The following STARD13 variants were observed in gnomAD, a reference collection of about 807,000 sequenced individuals.
The protein encoded by STARD13 is stAR-related lipid transfer protein 13.
In STARD13, 62 loss-of-function variants were observed where a neutral mutation model predicts 106.4. The ratio of observed to expected loss-of-function variants is 0.58; its 90% confidence interval spans 0.48 to 0.72. The LOEUF (loss-of-function observed/expected upper bound fraction) is 0.72. Among genes scored for constraint, STARD13 ranks in the 30% least tolerant of loss-of-function variants. The probability of loss-of-function intolerance (pLI) is 0.00; values close to 1 mark genes in which losing one functional copy is unlikely to be tolerated. For synonymous variants in STARD13, 565 were observed against 553.0 expected (o/e 1.02, Z -0.31); for missense variants, 1,387 against 1,424.0 (o/e 0.97, Z 0.42).
chr13:33,407,702 A>G, the STARD13 span, among the ~76,000 whole-genome samples: 1 of 152,324 alleles, frequency 6.6e-6, no homozygotes, highest in Middle Eastern at 3.4e-3. Context: ...TTCTCCATTC[A>G]TGCTCAAATC....
At chr13:33,472,001 G>C in the STARD13 span, among the ~76,000 whole-genome samples, 9 of 152,038 alleles carry the variant, frequency 5.9e-5, no homozygotes, top group African/African-American at 1.9e-4. Context: ...AGCCTGGTGA[G>C]TGAAATTATG....
At chr13:33,477,842 C>T in the STARD13 span, among the ~76,000 whole-genome samples, 548 of 152,312 alleles carry the variant, frequency 3.6e-3, 3 homozygotes, top group African/African-American at 0.013. Context: ...AATTGACCCT[C>T]CAAGTCTTAA....
chr13:33,501,887 C>A, the STARD13 span, among the ~76,000 whole-genome samples: 1 of 151,948 alleles, frequency 6.6e-6, no homozygotes. Flanking sequence ...TCCGTATGAT[C>A]TTTAAAGTAG....
chr13:33,440,689 T>C, the STARD13 span, among the ~76,000 whole-genome samples: 2 of 151,532 alleles, frequency 1.3e-5, no homozygotes, highest in African/African-American at 2.4e-5. Context: ...TCTCATGTAC[T>C]TTCCATCCAT....
chr13:33,468,892 C>G, the STARD13 span, among the ~76,000 whole-genome samples: 1 of 152,132 alleles, frequency 6.6e-6, no homozygotes, highest in African/African-American at 2.4e-5. Context: ...CCTTCTCCTT[C>G]ATGTTCCACT....
chr13:33,363,209 A>G, the STARD13 span, among the ~76,000 whole-genome samples: 1 of 152,168 alleles, frequency 6.6e-6, no homozygotes, highest in African/African-American at 2.4e-5. Context: ...TTACTTAATC[A>G]GTCCTTTTTC....
chr13:33,418,394 C>G, the STARD13 span, among the ~76,000 whole-genome samples: 1 of 152,224 alleles, frequency 6.6e-6, no homozygotes, highest in Non-Finnish European at 1.5e-5. Flanking sequence ...GGAGGGGTGT[C>G]TGCCATTGCT....
intron 1 of STARD13, among the ~76,000 whole-genome samples, chr13:33,254,872 T>C (rs1383362153): frequency 2.0e-5 from 3 of 152,128 alleles, no homozygotes; most frequent in Non-Finnish European, 2.9e-5. Context: ...CATCACTCAG[T>C]AAAACTCCCA....
At chr13:33,282,414 T>G (rs935795962) in intron 1 of STARD13, among the ~76,000 whole-genome samples, 5 of 152,190 alleles carry the variant, frequency 3.3e-5, no homozygotes, top group African/African-American at 1.2e-4. Flanking sequence ...CATCAAAGAT[T>G]CCTTTATTTC....
chr13:33,667,068 A>G, the STARD13 span, among the ~76,000 whole-genome samples: 17 of 152,368 alleles, frequency 1.1e-4, no homozygotes, highest in African/African-American at 4.1e-4. Context: ...TCCATTATAT[A>G]TAACTTAGCA....
intron 1 of STARD13, among the ~76,000 whole-genome samples, chr13:33,258,780 A>G (rs1373148584): frequency 6.6e-6 from 1 of 152,222 alleles, no homozygotes; most frequent in Admixed American, 6.5e-5. Flanking sequence ...TGACCTATCT[A>G]GGCCTTTGCT....
chr13:33,483,522 A>AT, the STARD13 span, among the ~76,000 whole-genome samples: 1 of 152,316 alleles, frequency 6.6e-6, no homozygotes, highest in African/African-American at 2.4e-5. Context: ...CTTGAAACTT[A>AT]TATTTGTCTC....
At chr13:33,276,966 T>G (rs1170428287) in intron 1 of STARD13, among the ~76,000 whole-genome samples, 3 of 152,160 alleles carry the variant, frequency 2.0e-5, no homozygotes, top group Admixed American at 2.0e-4. Context: ...GATTTTCTTT[T>G]GCTAACAGCA....
the STARD13 span, among the ~76,000 whole-genome samples, chr13:33,643,297 G>A: frequency 1.3e-5 from 2 of 152,144 alleles, no homozygotes; most frequent in Non-Finnish European, 2.9e-5. Flanking sequence ...AGAACGCTGC[G>A]TATTTGCCTG....
chr13:33,508,602 G>A, the STARD13 span, among the ~76,000 whole-genome samples: 2 of 152,128 alleles, frequency 1.3e-5, no homozygotes, highest in Non-Finnish European at 2.9e-5. Flanking sequence ...GTGGAGTGTT[G>A]TAAATGACAG....
intron 1 of STARD13, chr13:33,185,853 C>T (rs1340627556): frequency 6.2e-7 from 1 of 1,612,984 alleles, no homozygotes; most frequent in Non-Finnish European, 8.5e-7. Flanking sequence ...TTTGTACCCA[C>T]ATGCCCTTCT....
chr13:33,344,186 G>A (rs1453432456), downstream of STARD13, among the ~76,000 whole-genome samples: 1 of 147,754 alleles, frequency 6.8e-6, no homozygotes, highest in Non-Finnish European at 1.5e-5. Flanking sequence ...GGAGGTCAGA[G>A]AATTAGTACT....
chr13:33,128,915 T>C lies in STARD13; in HGVS notation c.1748+14A>G. The C allele has an allele frequency of 2.5e-6, 4 of 1,580,776 alleles. No individual in the cohort carries two copies. Among genetic ancestry groups the C allele is most frequent in the Non-Finnish European group, 3.4e-6 (4 of 1,166,146 alleles). On this transcript the variant is annotated intron_variant, in intron 5 of 13. Transcript: ENST00000336934. ...AATGGATGAAAAATCATTTCACAAG[T>C]GCATGCCACCTACCTGTTTGGCCTG...
the STARD13 span, among the ~76,000 whole-genome samples, chr13:33,436,975 GA>G: frequency 6.6e-6 from 1 of 152,116 alleles, no homozygotes; most frequent in Non-Finnish European, 1.5e-5. Context: ...TTTGTATATG[GA>G]GGGGCCCCTT....
Sources: gnomAD v4.1 joint callset for allele counts (sites outside exome capture counted in the v4.1 genomes callset) on GRCh38, gnomAD v4.1.1 for gene constraint, MANE v1.5 for transcripts, NCBI Gene and HGNC (gene_info 2026-07-23, HGNC 2026-07-21) for gene names.